RNF138: variants seen among roughly 807,000 people sequenced by gnomAD.
RNF138 encodes E3 ubiquitin-protein ligase RNF138.
A neutral mutation model predicts 31.0 loss-of-function variants in RNF138; 12 were observed. That is an observed-to-expected ratio of 0.39 (90% CI 0.25 to 0.63). The LOEUF (loss-of-function observed/expected upper bound fraction) is 0.63, where lower values mean the gene tolerates loss of function less well. RNF138 is among the 20% of genes least tolerant of loss of function. RNF138 has a pLI of 0.52. For synonymous variants in RNF138, 105 were observed against 99.5 expected (o/e 1.06, Z -0.33); for missense variants, 192 against 300.1 (o/e 0.64, Z 2.66).
chr18:32,126,806 T>C lies in RNF138; in HGVS notation c.669+6T>C. The stretch of plus-strand genomic sequence containing the variant: ...TTGATTATGGAGAATTTGTGGTAAG[T>C]GAATTCTTCAAGATTAAGAAAGTAC... On this transcript the variant is annotated splice_donor_region_variant and intron_variant, in intron 7 of 7. Coordinates refer to ENST00000261593, the MANE Select transcript of RNF138 (RefSeq NM_016271.5). The C allele has an allele frequency of 6.8e-7, 1 of 1,460,070 alleles. No individual in the cohort carries two copies. The highest frequency in any genetic ancestry group is 9.6e-7 in the Non-Finnish European group (1 of 1,040,692). The allele number at this position is 1,460,070 out of a possible 1,614,324, so 90.4% of individuals were successfully genotyped here.
chr18:32,120,647 A>G (rs1450425384), intron 4 of RNF138, among the ~76,000 whole-genome samples: 2 of 152,222 alleles, frequency 1.3e-5, no homozygotes, highest in Non-Finnish European at 2.9e-5. Context: ...GCATGATACA[A>G]GGATGACTAG....
chr18:32,125,544 C>G (rs1021601123), intron 6 of RNF138, among the ~76,000 whole-genome samples: 24 of 152,052 alleles, frequency 1.6e-4, no homozygotes, highest in African/African-American at 5.8e-4. Context: ...AAATAATTGT[C>G]TTCAGAAAGG....
At chr18:32,104,364 T>C (rs1281493843) in intron 2 of RNF138, among the ~76,000 whole-genome samples, 2 of 152,102 alleles carry the variant, frequency 1.3e-5, no homozygotes, top group South Asian at 2.1e-4. Context: ...CTAAAATCTA[T>C]AGCAAATATA....
chr18:32,102,779 C>T (rs62095572), intron 2 of RNF138, among the ~76,000 whole-genome samples: 13 of 151,972 alleles, frequency 8.6e-5, no homozygotes, highest in African/African-American at 1.9e-4. Context: ...ATTACAGGTG[C>T]GCAACACCAC....
At chr18:32,108,136 T>C (rs1323166382) in intron 2 of RNF138, among the ~76,000 whole-genome samples, 1 of 152,212 alleles carries the variant, frequency 6.6e-6, no homozygotes, top group Non-Finnish European at 1.5e-5. Context: ...ATTACAGGCG[T>C]AAGCCACCAT....
At chr18:32,102,159 A>G (rs922087833) in intron 2 of RNF138, among the ~76,000 whole-genome samples, 5 of 145,760 alleles carry the variant, frequency 3.4e-5, no homozygotes, top group African/African-American at 1.3e-4. Flanking sequence ...CTGGTATTAC[A>G]GGTGTGAGCC....
chr18:32,124,886 A>T, intron 6 of RNF138, 41 bp downstream of exon 6: 1 of 982,710 alleles, frequency 1.0e-6, no homozygotes, highest in Non-Finnish European at 1.6e-6. Flanking sequence ...CTTAGAATAA[A>T]ACATGCTGTT....
Position 32,125,009 on chromosome 18 carries a change from T to C in RNF138, c.561+164T>C, listed in dbSNP as rs915538621. ...AAGGATTGATGACTGTGAAGCAAAA[T>C]GAGATATTTAAAATTGCAGTAACTC... On this transcript the variant is annotated intron_variant, in intron 6 of 7. Transcript: ENST00000261593. 2.2e-5 allele frequency: 12 copies of C among 552,290 alleles called. 1 individual carries two copies. The highest frequency in any genetic ancestry group is 6.1e-5 in the Admixed American group (2 of 32,780). 34.2% of individuals were successfully genotyped at this position (552,290 alleles called of 1,614,324 possible).
At chr18:32,128,200 T>C (rs2040414462) in intron 7 of RNF138, among the ~76,000 whole-genome samples, 2 of 152,218 alleles carry the variant, frequency 1.3e-5, no homozygotes. Context: ...AAGGAGTAGT[T>C]TTATAACGAT....
intron 2 of RNF138, among the ~76,000 whole-genome samples, chr18:32,100,468 C>CTTTTTTTTT (rs754111567): frequency 1.4e-5 from 1 of 69,872 alleles, no homozygotes; most frequent in African/African-American, 5.5e-5. Context: ...ACCCAACTAA[C>CTTTTTTTTT]TTTTTTTTTT....
At chr18:32,126,921 A>G (rs912738926) in intron 7 of RNF138, 121 bp downstream of exon 7, 1 of 594,258 alleles carries the variant, frequency 1.7e-6, no homozygotes, top group Non-Finnish European at 3.0e-6. Context: ...ATTTAGAGCA[A>G]GTTCTTAGGT....
chr18:32,125,782 A>G (rs2040374393), intron 6 of RNF138, among the ~76,000 whole-genome samples: 1 of 152,012 alleles, frequency 6.6e-6, no homozygotes, highest in Non-Finnish European at 1.5e-5. Context: ...AATAAAGAAA[A>G]TAAAAAGAAT....
In RNF138 at chr18:32,115,130, GA is replaced by G. The variant is rs201961262; in HGVS notation, c.392+1271del. ...CCAATAGATTGTTCTTAAGTGAGGG[GA>G]TGGTGTTTGTCTTGTTGAGCATATC... On this transcript the variant is annotated intron_variant, in intron 4 of 7. Coordinates refer to ENST00000261593, the MANE Select transcript of RNF138 (RefSeq NM_016271.5). Among the ~76,000 whole-genome samples, 958 of 152,200 alleles carry G rather than the reference GA, an allele frequency of 6.3e-3. 3 individuals are homozygous for G. The highest frequency in any genetic ancestry group is 0.01 in the Middle Eastern group (3 of 294).
intron 4 of RNF138, among the ~76,000 whole-genome samples, chr18:32,121,309 A>G (rs975498493): frequency 1.3e-5 from 2 of 152,142 alleles, no homozygotes; most frequent in Non-Finnish European, 2.9e-5. Flanking sequence ...CAGCCTGACC[A>G]ACATGGAGAA....
At chr18:32,108,187 A>G (rs574195196) in intron 2 of RNF138, among the ~76,000 whole-genome samples, 24 of 152,296 alleles carry the variant, frequency 1.6e-4, no homozygotes, top group Non-Finnish European at 2.1e-4. Context: ...AAATGCATAC[A>G]GAAACGTGTC....
intron 4 of RNF138, among the ~76,000 whole-genome samples, chr18:32,122,135 G>A (rs959572491): frequency 4.6e-5 from 7 of 152,106 alleles, no homozygotes; most frequent in African/African-American, 1.7e-4. Flanking sequence ...GCAAAGTGCT[G>A]GGATTACAGG....
intron 5 of RNF138, 23 bp from the exon 6 acceptor site, chr18:32,124,711 T>G: frequency 9.0e-7 from 1 of 1,111,304 alleles, no homozygotes; most frequent in South Asian, 1.2e-5. Context: ...ATTAAGTATG[T>G]TTCACTTAAA....
chr18:32,094,269 A>G (rs1169450712), intron 2 of RNF138, among the ~76,000 whole-genome samples: 1 of 150,714 alleles, frequency 6.6e-6, no homozygotes, highest in Non-Finnish European at 1.5e-5. Context: ...TTTGGTTCTT[A>G]ATTGCAAATG....
chr18:32,121,779 A>T (rs1229316178), intron 4 of RNF138, among the ~76,000 whole-genome samples: 2 of 152,298 alleles, frequency 1.3e-5, no homozygotes, highest in Middle Eastern at 3.4e-3. Context: ...TCCCTTAATA[A>T]GTGCACTCTC....
Sources: gnomAD v4.1 joint callset for allele counts (sites outside exome capture counted in the v4.1 genomes callset) on GRCh38, gnomAD v4.1.1 for gene constraint, MANE v1.5 for transcripts, NCBI Gene and HGNC (gene_info 2026-07-23, HGNC 2026-07-21) for gene names.